Variants in F2R observed in about 807,000 individuals in gnomAD.
F2R encodes the protein coagulation factor II thrombin receptor, also known as proteinase-activated receptor 1.
F2R carries 12 observed loss-of-function variants against 18.3 expected under a neutral mutation model. The observed-to-expected ratio is 0.66, with a 90% CI of 0.42 to 1.06. The LOEUF (loss-of-function observed/expected upper bound fraction) is 1.06. Ranked by LOEUF, F2R falls within the 50% of genes least tolerant of loss-of-function variation. The pLI is 0.00. For synonymous variants in F2R, 210 were observed against 219.9 expected (o/e 0.95, Z 0.40); for missense variants, 438 against 530.8 (o/e 0.83, Z 1.72).
At position 76,733,515 on chromosome 5, in the gene F2R, G is replaced by C. The variant is rs780116373; in HGVS notation, c.*12G>C. On this transcript the variant is annotated 3_prime_UTR_variant, in exon 2 of 2. Transcript: ENST00000319211. The stretch of plus-strand genomic sequence containing the variant: ...AGCTGTTAACTTAGGAAAAGGGACT[G>C]CTGGGAGGTTAAAAAGAAAAGTTTA... 1.9e-6 allele frequency: 3 copies of C among 1,575,446 alleles called. No homozygotes were observed. Among genetic ancestry groups the C allele is most frequent in the Middle Eastern group, 1.7e-4 (1 of 5,828 alleles).
rs540580066 is a variant in F2R, at chr5:76,724,672, A to G, written c.89-7642A>G. 1.1e-4 allele frequency among the ~76,000 whole-genome samples: 16 copies of G among 152,296 alleles called. No individual in the cohort carries two copies. The South Asian group carries it at 3.3e-3, about 32-fold the overall frequency. On this transcript the variant is annotated intron_variant, in intron 1 of 1. Coordinates refer to ENST00000319211, the MANE Select transcript of F2R (RefSeq NM_001992.5). ...TAACATGTATGAAATGTTTCAATTC[A>G]TTTCCATCATTATTCTTTTGATGGT...
rs377336814 is a variant in F2R at position 76,726,256 on chromosome 5, G to A, written c.89-6058G>A. Among the ~76,000 whole-genome samples the A allele has an allele frequency of 3.2e-4, 48 of 152,284 alleles. 1 individual carries two copies. Among genetic ancestry groups the A allele is most frequent in the Middle Eastern group, 3.4e-3 (1 of 294 alleles). ...ATACAAAAATTAGCTGGGCAGCCGG[G>A]CGCGGTGGCTCACACCTGTAATCCT... On this transcript the variant is annotated intron_variant, in intron 1 of 1. Coordinates refer to ENST00000319211, the MANE Select transcript of F2R (RefSeq NM_001992.5).
intron 1 of F2R, among the ~76,000 whole-genome samples, chr5:76,725,161 C>T (rs370829330): frequency 3.9e-5 from 6 of 152,174 alleles, no homozygotes; most frequent in South Asian, 2.1e-4. Flanking sequence ...GGATCAAATG[C>T]GACATTCAGA....
At chr5:76,722,861 G>T (rs1003673317) in intron 1 of F2R, among the ~76,000 whole-genome samples, 1 of 151,464 alleles carries the variant, frequency 6.6e-6, no homozygotes, top group Non-Finnish European at 1.5e-5. Flanking sequence ...TGAGGCAGGA[G>T]AATCTCTTGA....
chr5:76,717,017 G>A (rs979542761), intron 1 of F2R, among the ~76,000 whole-genome samples: 2 of 152,152 alleles, frequency 1.3e-5, no homozygotes, highest in Non-Finnish European at 2.9e-5. Context: ...GAGGGGACAT[G>A]GAGAGGATTT....
intron 1 of F2R, among the ~76,000 whole-genome samples, chr5:76,729,112 T>C (rs1453082093): frequency 1.3e-5 from 2 of 152,258 alleles, no homozygotes; most frequent in East Asian, 3.8e-4. Flanking sequence ...CTATGCCAAT[T>C]TAAATTCCCA....
In F2R at chr5:76,733,370, T is replaced by C; in HGVS notation, c.1145T>C (p.Val382Ala). 3 of 1,614,156 alleles carry C rather than the reference T, an allele frequency of 1.9e-6. No homozygotes were observed. Among genetic ancestry groups the C allele is most frequent in the Non-Finnish European group, 2.5e-6 (3 of 1,180,038 alleles). Reference sequence around the variant, plus strand: ...GCTTCCTCTGAGTGCCAGAGGTACGTCTACAGTATCTTATGCTGCAAAGAA... The same window carrying C: ...GCTTCCTCTGAGTGCCAGAGGTACGCCTACAGTATCTTATGCTGCAAAGAA... ...YYASSECQRY[V>A]YSILCCKESS... The change falls in exon 2 of 2, where the codon GTC (valine) becomes GCC (alanine). Residue 382 changes from valine (V) to alanine (A), a missense_variant. Val to Ala is a moderately conservative substitution (Grantham distance 64). Coordinates refer to ENST00000319211, the MANE Select transcript of F2R (RefSeq NM_001992.5).
At chr5:76,726,536 C>CAA (rs1285539395) in intron 1 of F2R, among the ~76,000 whole-genome samples, 3 of 123,456 alleles carry the variant, frequency 2.4e-5, no homozygotes, top group Non-Finnish European at 3.5e-5. Flanking sequence ...GACTCTGTCT[C>CAA]AAAAAAAAAA....
intron 1 of F2R, among the ~76,000 whole-genome samples, chr5:76,731,720 GGGTTTCA>G (rs1186630860): frequency 6.6e-6 from 1 of 151,836 alleles, no homozygotes; most frequent in African/African-American, 2.4e-5. Flanking sequence ...AGTAGAGATG[GGGTTTCA>G]CCATCTTGGC....
chr5:76,720,902 G>T (rs550393577), intron 1 of F2R, among the ~76,000 whole-genome samples: 4 of 152,286 alleles, frequency 2.6e-5, no homozygotes, highest in African/African-American at 9.6e-5. Context: ...CTGCCTCCCA[G>T]GCTCAAGCTA....
chr5:76,732,534 C>G lies in F2R; in HGVS notation c.309C>G (p.Leu103=). Residue 103 remains leucine (L), a synonymous_variant, in exon 2 of 2, where the codon CTC becomes CTG. Transcript: ENST00000319211. ...SGYLTSSWLT[L]FVPSVYTGVF... ...ATTTGACCAGCTCCTGGCTGACACT[C>G]TTTGTCCCATCTGTGTACACCGGAG... is the stretch of plus-strand genomic sequence containing the variant. The G allele has an allele frequency of 6.2e-7, 1 of 1,614,214 alleles. No individual in the cohort carries two copies. The highest frequency in any genetic ancestry group is 8.5e-7 in the Non-Finnish European group (1 of 1,180,048).
At chr5:76,732,127 A>C (rs546201014) in intron 1 of F2R, among the ~76,000 whole-genome samples, 187 bp from the exon 2 acceptor site, 1 of 152,270 alleles carries the variant, frequency 6.6e-6, no homozygotes, top group Admixed American at 6.5e-5. Flanking sequence ...ATCAAGACAA[A>C]TGTTTCACAG....
At chr5:76,729,585 T>C (rs1748632265) in intron 1 of F2R, among the ~76,000 whole-genome samples, 1 of 152,220 alleles carries the variant, frequency 6.6e-6, no homozygotes. Context: ...GCCCAGACAA[T>C]GTCATGAAGC....
chr5:76,728,138 T>A (rs1189940212), intron 1 of F2R, among the ~76,000 whole-genome samples: 1 of 152,230 alleles, frequency 6.6e-6, no homozygotes, highest in Admixed American at 6.5e-5. Context: ...ACTTGTGAGA[T>A]GGCTAAATCA....
At chr5:76,724,505 G>GC (rs1223861328) in intron 1 of F2R, among the ~76,000 whole-genome samples, 9 of 151,288 alleles carry the variant, frequency 5.9e-5, no homozygotes, top group South Asian at 4.2e-4. Context: ...ATCTGTAACT[G>GC]CCCCCCCACC....
chr5:76,724,402 T>G (rs1295749388), intron 1 of F2R, among the ~76,000 whole-genome samples: 1 of 152,188 alleles, frequency 6.6e-6, no homozygotes, highest in Non-Finnish European at 1.5e-5. Flanking sequence ...TGATAATCAG[T>G]CAGTGTTCAT....
chr5:76,732,741 T>G lies in F2R; in HGVS notation c.516T>G (p.Ser172=), dbSNP rs5894. The part of the protein sequence containing the change: ...YFSGSDWQFG[S]ELCRFVTAAF... Reference sequence around the variant, plus strand: ...CCGGCAGTGATTGGCAGTTTGGGTCTGAATTGTGTCGCTTCGTCACTGCAG... The same window carrying G: ...CCGGCAGTGATTGGCAGTTTGGGTCGGAATTGTGTCGCTTCGTCACTGCAG... Residue 172 remains serine (S), a synonymous_variant, in exon 2 of 2, where the codon TCT becomes TCG. Coordinates refer to ENST00000319211, the MANE Select transcript of F2R (RefSeq NM_001992.5). 5.2e-3 allele frequency: 8,402 copies of G among 1,614,234 alleles called. 30 individuals carry two copies. The highest frequency in any genetic ancestry group is 6.5e-3 in the Non-Finnish European group (7,634 of 1,180,046).
At position 76,735,604 on chromosome 5, in the gene F2R, G is replaced by A. The variant is rs565825695; in HGVS notation, c.*2101G>A. ...CTAGCACTGGTTTTATTAATTTAGTGACTATTCATTTTATCTAAATCAGTG... is the reference window on the plus strand; with the variant it reads ...CTAGCACTGGTTTTATTAATTTAGTAACTATTCATTTTATCTAAATCAGTG... On this transcript the variant is annotated 3_prime_UTR_variant, in exon 2 of 2. Coordinates refer to ENST00000319211, the MANE Select transcript of F2R (RefSeq NM_001992.5). 6.6e-6 allele frequency: 1 copy of A among 152,240 alleles called. No individual in the cohort carries two copies. The highest frequency in any genetic ancestry group is 2.1e-4 in the South Asian group (1 of 4,820). 9.4% of individuals were successfully genotyped at this position (152,240 alleles called of 1,614,324 possible). A position where few individuals can be genotyped will look rare whatever the true frequency, so the allele number is the denominator to read the frequency against.
In F2R at chr5:76,729,299, G is replaced by T. The variant is rs1748628170; in HGVS notation, c.89-3015G>T. ...TCATATACTTGTTGGCCATTTGTAT[G>T]TCTTCTTTTGAAAAATGTCTATTCA... is the stretch of plus-strand genomic sequence containing the variant. On this transcript the variant is annotated intron_variant, in intron 1 of 1. Transcript: ENST00000319211. Among the ~76,000 whole-genome samples, 3 of 152,142 alleles carry T rather than the reference G, an allele frequency of 2.0e-5. No homozygotes were observed. In the South Asian group the frequency reaches 6.2e-4, roughly 32 times the overall value.
Sources: allele counts gnomAD v4.1 joint callset (sites outside exome capture counted in the v4.1 genomes callset), GRCh38; gene constraint gnomAD v4.1.1; transcripts MANE v1.5; gene names NCBI Gene and HGNC (gene_info 2026-07-23, HGNC 2026-07-21).